Variants in PABPC4L observed in about 807,000 individuals in gnomAD.
The protein encoded by PABPC4L is poly(A) binding protein cytoplasmic 4 like.
For synonymous variants in PABPC4L, 169 were observed against 164.1 expected (o/e 1.03, Z -0.23); for missense variants, 452 against 451.4 (o/e 1.00, Z -0.01).
At chr4:134,061,442 G>A in the PABPC4L span, among the ~76,000 whole-genome samples, 1 of 151,900 alleles carries the variant, frequency 6.6e-6, no homozygotes, top group Non-Finnish European at 1.5e-5. Flanking sequence ...CTGGAATAAA[G>A]AGAAGATCCT....
chr4:134,143,939 G>C, the PABPC4L span, among the ~76,000 whole-genome samples: 1 of 151,430 alleles, frequency 6.6e-6, no homozygotes, highest in African/African-American at 2.4e-5. Context: ...TTTTACTTAT[G>C]ACAACTGAAA....
At chr4:134,170,469 C>T in the PABPC4L span, among the ~76,000 whole-genome samples, 1 of 152,040 alleles carries the variant, frequency 6.6e-6, no homozygotes, top group Non-Finnish European at 1.5e-5. Context: ...GGTTTAATTG[C>T]CTCACGGTAC....
chr4:134,096,595 CA>C, the PABPC4L span, among the ~76,000 whole-genome samples: 4 of 151,830 alleles, frequency 2.6e-5, no homozygotes, highest in African/African-American at 9.7e-5. Flanking sequence ...GGAACAAAGA[CA>C]ATGTCTACTA....
At chr4:134,124,145 A>G in the PABPC4L span, among the ~76,000 whole-genome samples, 9 of 151,746 alleles carry the variant, frequency 5.9e-5, no homozygotes, top group South Asian at 1.9e-3. Context: ...TTATACCTGT[A>G]ATAAGTACTG....
chr4:133,960,329 C>A, the PABPC4L span, among the ~76,000 whole-genome samples: 3 of 152,140 alleles, frequency 2.0e-5, no homozygotes, highest in African/African-American at 7.2e-5. Context: ...GTCTGGCTTG[C>A]AGCACAAGAT....
At chr4:134,044,337 C>T in the PABPC4L span, among the ~76,000 whole-genome samples, 1 of 152,154 alleles carries the variant, frequency 6.6e-6, no homozygotes, top group Non-Finnish European at 1.5e-5. Context: ...CATCTCGGCT[C>T]ACTGCAAGCT....
the PABPC4L span, among the ~76,000 whole-genome samples, chr4:134,173,436 A>T: frequency 6.6e-6 from 1 of 152,084 alleles, no homozygotes. Flanking sequence ...ACTGGAGGAC[A>T]TTAAGTTAAG....
At chr4:134,164,126 A>G in the PABPC4L span, among the ~76,000 whole-genome samples, 1 of 149,698 alleles carries the variant, frequency 6.7e-6, no homozygotes, top group South Asian at 2.1e-4. Context: ...AGCCGGGCGT[A>G]GTGGCGGGCG....
At chr4:134,194,318 T>C (rs533270418), downstream of PABPC4L, among the ~76,000 whole-genome samples, 1 of 151,962 alleles carries the variant, frequency 6.6e-6, no homozygotes, top group South Asian at 2.1e-4. Context: ...AGTTTATCTA[T>C]AATAGCTCAT....
At chr4:134,125,199 T>C in the PABPC4L span, among the ~76,000 whole-genome samples, 1 of 152,104 alleles carries the variant, frequency 6.6e-6, no homozygotes, top group Admixed American at 6.6e-5. Flanking sequence ...CACACCCTGA[T>C]GGAAAAAAAC....
chr4:134,104,155 G>T, the PABPC4L span, among the ~76,000 whole-genome samples: 1 of 151,596 alleles, frequency 6.6e-6, no homozygotes, highest in Admixed American at 6.6e-5. Context: ...CAAACAAACC[G>T]CTGGTCTCCT....
At chr4:134,075,007 T>A in the PABPC4L span, among the ~76,000 whole-genome samples, 2 of 152,186 alleles carry the variant, frequency 1.3e-5, no homozygotes, top group African/African-American at 4.8e-5. Context: ...CATGGTCAGT[T>A]AATCTCCTTG....
At chr4:134,123,495 G>T in the PABPC4L span, among the ~76,000 whole-genome samples, 1 of 152,018 alleles carries the variant, frequency 6.6e-6, no homozygotes. Context: ...GCACATGTCT[G>T]CAAACAACTG....
chr4:134,032,886 C>A, the PABPC4L span, among the ~76,000 whole-genome samples: 3 of 151,686 alleles, frequency 2.0e-5, no homozygotes, highest in Non-Finnish European at 3.0e-5. Flanking sequence ...CCATTACTGT[C>A]GTGTACAATT....
At chr4:134,009,328 T>G in the PABPC4L span, among the ~76,000 whole-genome samples, 1 of 151,964 alleles carries the variant, frequency 6.6e-6, no homozygotes, top group Non-Finnish European at 1.5e-5. Flanking sequence ...TTCATAATAT[T>G]TACACATTTT....
chr4:133,996,310 C>T, the PABPC4L span, among the ~76,000 whole-genome samples: 22 of 152,094 alleles, frequency 1.4e-4, no homozygotes, highest in South Asian at 4.1e-4. Context: ...GTATGATGTT[C>T]TTTAAGATTT....
chr4:134,028,857 C>T, the PABPC4L span, among the ~76,000 whole-genome samples: 3 of 152,112 alleles, frequency 2.0e-5, no homozygotes, highest in Non-Finnish European at 2.9e-5. Context: ...GTCAGATCCT[C>T]AAGTTCTAGT....
chr4:134,179,728 G>A, the PABPC4L span, among the ~76,000 whole-genome samples: 2 of 151,726 alleles, frequency 1.3e-5, no homozygotes, highest in African/African-American at 4.8e-5. Context: ...AAGAGGCAGG[G>A]GCTGCTATTC....
the PABPC4L span, among the ~76,000 whole-genome samples, chr4:134,125,366 G>T: frequency 6.6e-6 from 1 of 151,540 alleles, no homozygotes; most frequent in African/African-American, 2.4e-5. Context: ...CAAAGTGCAG[G>T]TTAGTTACAT....
Sources: allele counts gnomAD v4.1 joint callset (sites outside exome capture counted in the v4.1 genomes callset), GRCh38; gene constraint gnomAD v4.1.1; transcripts MANE v1.5; gene names NCBI Gene and HGNC (gene_info 2026-07-23, HGNC 2026-07-21).